Variants in LRP1B observed in about 807,000 individuals in gnomAD.
LRP1B encodes the protein LDL receptor related protein 1B, also known as low-density lipoprotein receptor-related protein 1B.
In LRP1B, 217 loss-of-function variants were observed where a neutral mutation model predicts 556.6. That is an observed-to-expected ratio of 0.39 (90% CI 0.35 to 0.44). The LOEUF (loss-of-function observed/expected upper bound fraction) is 0.44, where lower values mean the gene tolerates loss of function less well. Ranked by LOEUF, LRP1B falls within the 20% of genes least tolerant of loss-of-function variation. The pLI, the probability that LRP1B is intolerant of heterozygous loss-of-function variation, is 1.00. For missense variants in LRP1B, 5,053 were observed against 5,620.8 expected (o/e 0.90, Z 3.23); for synonymous variants, 2,047 against 1,865.8 (o/e 1.10, Z -2.50).
chr2:141,877,670 G>A (rs1019628047), intron 1 of LRP1B, among the ~76,000 whole-genome samples: 2 of 146,252 alleles, frequency 1.4e-5, no homozygotes, highest in African/African-American at 4.9e-5. Flanking sequence ...TGAGGGTCTT[G>A]TTTGTTACAG....
chr2:140,426,100 T>C (rs1685639732), intron 66 of LRP1B, among the ~76,000 whole-genome samples: 1 of 152,208 alleles, frequency 6.6e-6, no homozygotes, highest in Non-Finnish European at 1.5e-5. Flanking sequence ...GACAGTATCC[T>C]GAAATGTTAA....
intron 43 of LRP1B, among the ~76,000 whole-genome samples, chr2:140,578,800 A>T (rs1478313030): frequency 6.6e-6 from 1 of 152,158 alleles, no homozygotes; most frequent in Non-Finnish European, 1.5e-5. Context: ...GATTTTTTCT[A>T]AGTACTTATT....
intron 1 of LRP1B, among the ~76,000 whole-genome samples, chr2:141,983,780 G>T (rs970318856): frequency 5.9e-5 from 9 of 152,162 alleles, no homozygotes; most frequent in Non-Finnish European, 1.2e-4. Flanking sequence ...ACCCATTTAG[G>T]CTGGGCGTGG....
At chr2:140,244,665 A>G (rs1418898333) in intron 87 of LRP1B, among the ~76,000 whole-genome samples, 1 of 151,262 alleles carries the variant, frequency 6.6e-6, no homozygotes, top group Non-Finnish European at 1.5e-5. Flanking sequence ...TTTAAACATC[A>G]AAAGCCGGTG....
intron 84 of LRP1B, among the ~76,000 whole-genome samples, chr2:140,279,554 T>C (rs1187667354): frequency 1.3e-5 from 2 of 151,978 alleles, no homozygotes; most frequent in African/African-American, 4.8e-5. Flanking sequence ...CACCTCTCTA[T>C]ATACTCTCAC....
intron 7 of LRP1B, among the ~76,000 whole-genome samples, chr2:141,152,874 A>T (rs1038133903): frequency 3.3e-5 from 5 of 151,240 alleles, no homozygotes; most frequent in South Asian, 2.1e-4. Flanking sequence ...TTTTATTATT[A>T]TTTTTAGTAT....
At chr2:140,944,175 A>G (rs944628104) in intron 20 of LRP1B, among the ~76,000 whole-genome samples, 9 of 152,134 alleles carry the variant, frequency 5.9e-5, no homozygotes, top group African/African-American at 2.2e-4. Context: ...TCTAGAGGAA[A>G]TGGATAAATT....
chr2:141,256,802 C>T (rs754278097), intron 3 of LRP1B, among the ~76,000 whole-genome samples: 8 of 151,812 alleles, frequency 5.3e-5, no homozygotes, highest in Non-Finnish European at 1.0e-4. Context: ...GAATTTGGGT[C>T]TATCTTTGAA....
chr2:142,126,789 T>C (rs1707670453), intron 1 of LRP1B, among the ~76,000 whole-genome samples: 1 of 151,724 alleles, frequency 6.6e-6, no homozygotes, highest in African/African-American at 2.4e-5. Flanking sequence ...GATCCATATA[T>C]AGAATGGAGA....
intron 7 of LRP1B, among the ~76,000 whole-genome samples, chr2:141,182,265 A>T (rs1681033184): frequency 6.6e-6 from 1 of 152,068 alleles, no homozygotes. Context: ...ATGTTACATA[A>T]TACCACCCAC....
At chr2:141,334,721 T>G (rs2105502109) in intron 3 of LRP1B, among the ~76,000 whole-genome samples, 1 of 152,232 alleles carries the variant, frequency 6.6e-6, no homozygotes, top group Non-Finnish European at 1.5e-5. Flanking sequence ...CAGGCTAATT[T>G]TTGTATTTTT....
intron 3 of LRP1B, among the ~76,000 whole-genome samples, chr2:141,426,225 A>G (rs532195880): frequency 6.6e-6 from 1 of 151,952 alleles, no homozygotes. Context: ...AAGATCAGAT[A>G]GTTGTAGATA....
intron 2 of LRP1B, among the ~76,000 whole-genome samples, chr2:141,505,943 TAAA>T (rs1472124192): frequency 6.6e-6 from 1 of 152,038 alleles, no homozygotes; most frequent in Non-Finnish European, 1.5e-5. Context: ...TGTCATTAGT[TAAA>T]AGAGAATAGT....
intron 1 of LRP1B, among the ~76,000 whole-genome samples, chr2:141,965,747 T>TA (rs753039771): frequency 3.8e-5 from 3 of 78,630 alleles, no homozygotes; most frequent in South Asian, 3.7e-4. Flanking sequence ...AAAGTAGAAT[T>TA]AAAAAAAATA....
At chr2:140,373,344 G>T (rs1043016488) in intron 68 of LRP1B, among the ~76,000 whole-genome samples, 1 of 152,094 alleles carries the variant, frequency 6.6e-6, no homozygotes, top group African/African-American at 2.4e-5. Flanking sequence ...GACAACTTAT[G>T]CATAGAAACC....
intron 47 of LRP1B, among the ~76,000 whole-genome samples, chr2:140,531,061 A>G (rs1416500148): frequency 6.6e-6 from 1 of 152,178 alleles, no homozygotes; most frequent in African/African-American, 2.4e-5. Context: ...ATGAGGTATT[A>G]TATTTCATAA....
rs754859694 is a variant in LRP1B at position 141,366,442 on chromosome 2, C to G, written c.344-111801G>C. 3.9e-5 allele frequency among the ~76,000 whole-genome samples: 6 copies of G among 152,292 alleles called. No individual in the cohort carries two copies. In the East Asian group the frequency reaches 1.2e-3, roughly 29 times the overall value. On this transcript the variant is annotated intron_variant, in intron 3 of 90. Transcript: ENST00000389484. ...CTTCAGTTTAAGGAATAAAATACGT[C>G]TATTGTTTTTTGTAATCCTCAAAAT...
intron 23 of LRP1B, among the ~76,000 whole-genome samples, chr2:140,886,955 T>C (rs1693655511): frequency 6.6e-6 from 1 of 152,132 alleles, no homozygotes; most frequent in South Asian, 2.1e-4. Context: ...AAAACGGATA[T>C]GAGATTAAAG....
At chr2:141,935,043 C>T (rs531444408) in intron 1 of LRP1B, among the ~76,000 whole-genome samples, 1 of 89,380 alleles carries the variant, frequency 1.1e-5, no homozygotes, top group South Asian at 5.0e-4. Flanking sequence ...AAACTGGACT[C>T]TGGTGATCTC....
Sources: gnomAD v4.1 joint callset for allele counts (sites outside exome capture counted in the v4.1 genomes callset) on GRCh38, gnomAD v4.1.1 for gene constraint, MANE v1.5 for transcripts, NCBI Gene and HGNC (gene_info 2026-07-23, HGNC 2026-07-21) for gene names.